The following TNNI3K variants were observed in gnomAD, a reference collection of about 807,000 sequenced individuals.
TNNI3K encodes the protein TNNI3 interacting kinase, also known as serine/threonine-protein kinase TNNI3K.
In TNNI3K, 140 loss-of-function variants were observed where a neutral mutation model predicts 114.5. That is an observed-to-expected ratio of 1.22 (90% CI 1.07 to 1.41). The LOEUF is 1.41. TNNI3K is among the 40% of genes most tolerant of loss of function. The probability of loss-of-function intolerance (pLI) is 0.00; values close to 1 mark genes in which losing one functional copy is unlikely to be tolerated. For missense variants in TNNI3K, 1,125 were observed against 1,007.6 expected (o/e 1.12, Z -1.58); for synonymous variants, 347 against 347.5 (o/e 1.00, Z 0.02).
chr1:74,540,411 C>A (rs1646712835), intron 24 of TNNI3K, 98 bp downstream of exon 24: 5 of 1,098,384 alleles, frequency 4.6e-6, no homozygotes, highest in South Asian at 3.1e-5. Context: ...ATTGTAATAT[C>A]CAAAATGACA....
Position 74,522,099 on chromosome 1 carries a change from C to T in TNNI3K, c.2352-18135C>T, listed in dbSNP as rs1479222525. Among the ~76,000 whole-genome samples, 4 of 152,232 alleles carry T rather than the reference C, an allele frequency of 2.6e-5. No homozygotes were observed. In the South Asian group the frequency reaches 8.3e-4, roughly 32 times the overall value. ...TTTCCAATTCTCTCATGCTGATTCG[C>T]TGGCCAGGGATTGTTCTTTTTAAAA... On this transcript the variant is annotated intron_variant, in intron 23 of 24. Coordinates refer to ENST00000326637, the MANE Select transcript of TNNI3K (RefSeq NM_015978.3).
At chr1:74,537,002 G>C (rs541197246) in intron 23 of TNNI3K, among the ~76,000 whole-genome samples, 1 of 152,268 alleles carries the variant, frequency 6.6e-6, no homozygotes, top group Non-Finnish European at 1.5e-5. Flanking sequence ...CTTCTGTTTT[G>C]TTTGACCTGG....
intron 21 of TNNI3K, among the ~76,000 whole-genome samples, chr1:74,488,826 T>C (rs111548447): frequency 2.6e-5 from 4 of 152,234 alleles, no homozygotes; most frequent in African/African-American, 9.6e-5. Context: ...ATACACAGTG[T>C]GCAGTGTATT....
intron 17 of TNNI3K, among the ~76,000 whole-genome samples, chr1:74,390,054 A>G (rs889192694): frequency 6.6e-6 from 1 of 152,158 alleles, no homozygotes; most frequent in African/African-American, 2.4e-5. Flanking sequence ...AATGAATAGC[A>G]CTGGCAGAGC....
intron 23 of TNNI3K, among the ~76,000 whole-genome samples, chr1:74,495,898 G>A (rs1253993787): frequency 6.6e-6 from 1 of 152,134 alleles, no homozygotes; most frequent in East Asian, 1.9e-4. Context: ...GTATATGAAG[G>A]CAGAGGAAGT....
chr1:74,267,645 C>T (rs186545210), intron 4 of TNNI3K, among the ~76,000 whole-genome samples: 1 of 151,840 alleles, frequency 6.6e-6, no homozygotes. Flanking sequence ...TTATATGCAG[C>T]AATTACTGCT....
At chr1:74,310,937 T>G (rs534802365) in intron 5 of TNNI3K, among the ~76,000 whole-genome samples, 1 of 152,166 alleles carries the variant, frequency 6.6e-6, no homozygotes, top group African/African-American at 2.4e-5. Flanking sequence ...TGCTATAACC[T>G]CTACTACCTC....
chr1:74,469,966 A>G, intron 21 of TNNI3K: 1 of 400,694 alleles, frequency 2.5e-6, no homozygotes, highest in Non-Finnish European at 4.4e-6. Flanking sequence ...AGCTTCATTT[A>G]TTCTGCTAGG....
chr1:74,369,811 T>G (rs1315312211), intron 16 of TNNI3K: 2 of 472,660 alleles, frequency 4.2e-6, no homozygotes, highest in Non-Finnish European at 6.7e-6. Flanking sequence ...GATAACAAAT[T>G]TAAGGAATTT....
intron 5 of TNNI3K, among the ~76,000 whole-genome samples, chr1:74,286,997 T>A (rs143636795): frequency 6.6e-6 from 1 of 150,500 alleles, no homozygotes; most frequent in Non-Finnish European, 1.5e-5. Context: ...AACAAAGAGG[T>A]AGAAACCATA....
At chr1:74,467,421 T>G (rs959786329) in intron 21 of TNNI3K, among the ~76,000 whole-genome samples, 1 of 151,912 alleles carries the variant, frequency 6.6e-6, no homozygotes, top group Non-Finnish European at 1.5e-5. Context: ...TAGTCAAAAC[T>G]CATAAACTAG....
chr1:74,441,712 C>A (rs1557567808), intron 20 of TNNI3K, among the ~76,000 whole-genome samples: 1 of 152,030 alleles, frequency 6.6e-6, no homozygotes, highest in South Asian at 2.1e-4. Flanking sequence ...CATGGAACAT[C>A]ATTGTGATAT....
intron 17 of TNNI3K, among the ~76,000 whole-genome samples, chr1:74,390,802 G>C (rs1008013431): frequency 6.6e-6 from 1 of 152,070 alleles, no homozygotes; most frequent in Admixed American, 6.6e-5. Flanking sequence ...TTGATTGTTG[G>C]TTATGAAAGC....
At chr1:74,521,173 G>T (rs979687495) in intron 23 of TNNI3K, among the ~76,000 whole-genome samples, 1 of 152,202 alleles carries the variant, frequency 6.6e-6, no homozygotes, top group Non-Finnish European at 1.5e-5. Context: ...TGGAGGTTGT[G>T]TATTGTAGTT....
At chr1:74,435,842 G>T (rs994965688) in intron 17 of TNNI3K, among the ~76,000 whole-genome samples, 5 of 151,990 alleles carry the variant, frequency 3.3e-5, no homozygotes, top group Non-Finnish European at 2.9e-5. Context: ...TAGAGGGTTT[G>T]TCTAAAGTAG....
At chr1:74,335,893 C>A in intron 6 of TNNI3K, 118 bp from the exon 7 acceptor site, 2 of 1,107,588 alleles carry the variant, frequency 1.8e-6, no homozygotes, top group Non-Finnish European at 2.5e-6. Context: ...GGACTTCTTG[C>A]TAGGTGATAT....
intron 5 of TNNI3K, among the ~76,000 whole-genome samples, chr1:74,287,378 C>G (rs2100274060): frequency 6.6e-6 from 1 of 152,092 alleles, no homozygotes; most frequent in East Asian, 1.9e-4. Flanking sequence ...CAAAGAACCC[C>G]AAAGATACAG....
intron 22 of TNNI3K, 114 bp downstream of exon 22, chr1:74,489,362 C>A: frequency 9.5e-7 from 1 of 1,052,486 alleles, no homozygotes; most frequent in Non-Finnish European, 1.4e-6. Context: ...ACCCATAACT[C>A]CATCCATATT....
intron 5 of TNNI3K, among the ~76,000 whole-genome samples, chr1:74,275,745 A>C (rs1656643848): frequency 1.3e-5 from 2 of 152,102 alleles, no homozygotes; most frequent in South Asian, 4.1e-4. Context: ...AGACTAAAGA[A>C]ACTTGGAGAG....
Sources: allele counts gnomAD v4.1 joint callset (sites outside exome capture counted in the v4.1 genomes callset), GRCh38; gene constraint gnomAD v4.1.1; transcripts MANE v1.5; gene names NCBI Gene and HGNC (gene_info 2026-07-23, HGNC 2026-07-21).